The following CFAP299 variants were observed in gnomAD, a reference collection of about 807,000 sequenced individuals.
The protein encoded by CFAP299 is cilia and flagella associated protein 299, also known as cilia- and flagella-associated protein 299.
Under a neutral mutation model 27.0 loss-of-function variants are expected in CFAP299, and 21 were observed. That is an observed-to-expected ratio of 0.78 (90% CI 0.55 to 1.12). The LOEUF is 1.12. Among genes scored for constraint, CFAP299 ranks in the 50% most tolerant of loss-of-function variants. The probability of loss-of-function intolerance (pLI) is 0.00; values close to 1 mark genes in which losing one functional copy is unlikely to be tolerated. For missense variants in CFAP299, 310 were observed against 276.6 expected (o/e 1.12, Z -0.86); for synonymous variants, 104 against 98.1 (o/e 1.06, Z -0.36).
chr4:80,809,449 A>G (rs1729029354), intron 3 of CFAP299, among the ~76,000 whole-genome samples: 1 of 152,038 alleles, frequency 6.6e-6, no homozygotes, highest in Non-Finnish European at 1.5e-5. Flanking sequence ...GCTTAAAGAG[A>G]CCCTTTGCAT....
chr4:80,497,179 A>G (rs1350557363), intron 2 of CFAP299, among the ~76,000 whole-genome samples: 1 of 152,182 alleles, frequency 6.6e-6, no homozygotes, highest in East Asian at 1.9e-4. Context: ...CAGAGGCTGG[A>G]GGATTGCTTT....
At chr4:80,357,162 C>G (rs532408077) in intron 1 of CFAP299, among the ~76,000 whole-genome samples, 2 of 152,088 alleles carry the variant, frequency 1.3e-5, no homozygotes, top group African/African-American at 2.4e-5. Context: ...ATATGTTGAA[C>G]CAACCTTGCG....
chr4:80,458,479 T>C (rs926680725), intron 2 of CFAP299, among the ~76,000 whole-genome samples: 2 of 152,322 alleles, frequency 1.3e-5, no homozygotes, highest in Admixed American at 1.3e-4. Context: ...TTTTTCTGCC[T>C]TTTTAAAAAA....
At chr4:80,789,235 A>T (rs1470988237) in intron 3 of CFAP299, among the ~76,000 whole-genome samples, 1 of 151,958 alleles carries the variant, frequency 6.6e-6, no homozygotes, top group African/African-American at 2.4e-5. Flanking sequence ...GGTGTGTAAG[A>T]TGTTATTGAA....
chr4:80,457,615 G>A (rs1473965506), intron 2 of CFAP299, among the ~76,000 whole-genome samples: 1 of 152,174 alleles, frequency 6.6e-6, no homozygotes, highest in Non-Finnish European at 1.5e-5. Context: ...TTGGTAGTCA[G>A]AGTTTCTCTC....
At chr4:80,461,295 C>T (rs770075873) in intron 2 of CFAP299, among the ~76,000 whole-genome samples, 8 of 152,072 alleles carry the variant, frequency 5.3e-5, no homozygotes, top group Non-Finnish European at 7.4e-5. Flanking sequence ...CTCTACAGAA[C>T]GTAGATTTTC....
chr4:80,648,879 G>A (rs1324367483), intron 3 of CFAP299: 4 of 152,072 alleles, frequency 2.6e-5, no homozygotes, highest in Admixed American at 6.6e-5. Context: ...ATCAGAAGAT[G>A]TTTCAAATTC....
chr4:80,934,009 C>A (rs187023705), intron 4 of CFAP299, among the ~76,000 whole-genome samples: 2 of 152,114 alleles, frequency 1.3e-5, no homozygotes, highest in South Asian at 4.2e-4. Flanking sequence ...TTGTTCCTAA[C>A]CTTGGAGAAA....
intron 4 of CFAP299, among the ~76,000 whole-genome samples, chr4:80,925,048 C>G (rs1217541630): frequency 6.6e-6 from 1 of 151,782 alleles, no homozygotes; most frequent in Non-Finnish European, 1.5e-5. Context: ...TATGACTTCT[C>G]TTGACATAAA....
chr4:80,333,350 T>A (rs1002173392), upstream of CFAP299, among the ~76,000 whole-genome samples: 2 of 152,322 alleles, frequency 1.3e-5, no homozygotes, highest in Admixed American at 1.3e-4. Context: ...CAGTCATAGT[T>A]AACAAGCAGC....
At chr4:80,855,224 C>A (rs1468003512) in intron 3 of CFAP299, among the ~76,000 whole-genome samples, 2 of 152,016 alleles carry the variant, frequency 1.3e-5, no homozygotes, top group African/African-American at 4.8e-5. Context: ...TATGCATACA[C>A]ATTTGTGTAC....
chr4:80,448,684 G>A (rs185575369), intron 2 of CFAP299, among the ~76,000 whole-genome samples: 1 of 138,172 alleles, frequency 7.2e-6, no homozygotes, highest in Non-Finnish European at 1.6e-5. Flanking sequence ...CTGTGTTTAG[G>A]TGTTAGTGAC....
At chr4:80,575,106 T>C (rs1239744219) in intron 2 of CFAP299, among the ~76,000 whole-genome samples, 1 of 152,162 alleles carries the variant, frequency 6.6e-6, no homozygotes, top group Non-Finnish European at 1.5e-5. Context: ...TTTCATTTGT[T>C]GGGAGACTTT....
chr4:80,823,345 T>C (rs1729810447), intron 3 of CFAP299, among the ~76,000 whole-genome samples: 1 of 152,138 alleles, frequency 6.6e-6, no homozygotes, highest in Non-Finnish European at 1.5e-5. Context: ...TATTGATAAA[T>C]CAGAAAGTAC....
At chr4:80,891,994 A>C (rs1734329823) in intron 4 of CFAP299, among the ~76,000 whole-genome samples, 1 of 152,160 alleles carries the variant, frequency 6.6e-6, no homozygotes, top group Non-Finnish European at 1.5e-5. Flanking sequence ...TCTTCACAGG[A>C]ATAGAAAAAT....
Position 80,870,210 on chromosome 4 carries a change from A to T in CFAP299, c.476+75A>T, listed in dbSNP as rs558931462. On this transcript the variant is annotated intron_variant, in intron 4 of 5. Transcript: ENST00000358105. ...TTATTTTATGGTCTACATTGTGCCT[A>T]AAATGCTAATGTATATATAACAGGA... 5 of 1,478,578 alleles carry T rather than the reference A, an allele frequency of 3.4e-6. No homozygotes were observed. The East Asian group carries it at 1.2e-4, about 34-fold the overall frequency. The allele number at this position is 1,478,578 out of a possible 1,614,324, so 91.6% of individuals were successfully genotyped here.
At chr4:80,895,783 C>A (rs907971438) in intron 4 of CFAP299, among the ~76,000 whole-genome samples, 1 of 151,878 alleles carries the variant, frequency 6.6e-6, no homozygotes, top group Non-Finnish European at 1.5e-5. Context: ...CTGTGGAAGG[C>A]AGTGGTAAGG....
intron 2 of CFAP299, among the ~76,000 whole-genome samples, chr4:80,536,317 C>A (rs959212368): frequency 1.2e-4 from 19 of 152,112 alleles, no homozygotes; most frequent in African/African-American, 4.6e-4. Flanking sequence ...CCCTTATATG[C>A]TCTGATTTAA....
chr4:80,609,767 G>A (rs575469208), intron 3 of CFAP299, among the ~76,000 whole-genome samples: 1 of 151,932 alleles, frequency 6.6e-6, no homozygotes, highest in South Asian at 2.1e-4. Flanking sequence ...TACATAGTTT[G>A]TCTATATTTG....
Sources: gnomAD v4.1 joint callset for allele counts (sites outside exome capture counted in the v4.1 genomes callset) on GRCh38, gnomAD v4.1.1 for gene constraint, MANE v1.5 for transcripts, NCBI Gene and HGNC (gene_info 2026-07-23, HGNC 2026-07-21) for gene names.